The following IPPK variants were observed in gnomAD, a reference collection of about 807,000 sequenced individuals.
IPPK encodes the protein inositol-pentakisphosphate 2-kinase, also known as IPK1 homolog.
In IPPK, 22 loss-of-function variants were observed where a neutral mutation model predicts 64.6. The ratio of observed to expected loss-of-function variants is 0.34; its 90% CI spans 0.24 to 0.49. IPPK has a LOEUF of 0.49. Ranked by LOEUF, IPPK falls within the 20% of genes least tolerant of loss-of-function variation. The pLI is 0.99. For missense variants in IPPK, 532 were observed against 630.7 expected (o/e 0.84, Z 1.68); for synonymous variants, 262 against 247.2 (o/e 1.06, Z -0.56).
At chr9:92,642,162 C>A (rs1852059842) in intron 7 of IPPK, among the ~76,000 whole-genome samples, 2 of 152,248 alleles carry the variant, frequency 1.3e-5, no homozygotes, top group East Asian at 1.9e-4. Context: ...TGCGGACTGA[C>A]CCTCCCCAGC....
In IPPK at chr9:92,658,680, C is replaced by T. The variant is rs1447205316; in HGVS notation, c.83G>A (p.Arg28His). Residue 28 changes from arginine (R) to histidine (H), a missense_variant and splice_region_variant, in exon 2 of 13, where the codon CGC becomes CAC. Coordinates refer to ENST00000287996, the MANE Select transcript of IPPK (RefSeq NM_022755.6). ...CTTCAGAAACCGCAGCACGACGCAGCGCTGTTGGAAAATAAAACAAATCTG... is the reference window on the plus strand; with the variant it reads ...CTTCAGAAACCGCAGCACGACGCAGTGCTGTTGGAAAATAAAACAAATCTG... ...NKSLVVAHAQRCVVLRFLKFP... is the reference protein window; with the variant it reads ...NKSLVVAHAQHCVVLRFLKFP... 2.5e-6 allele frequency: 4 copies of T among 1,613,740 alleles called. No individual in the cohort carries two copies. The highest frequency in any genetic ancestry group is 1.7e-5 in the Admixed American group (1 of 59,994).
intron 7 of IPPK, 53 bp downstream of exon 7, chr9:92,642,699 A>G (rs1050204089): frequency 4.8e-6 from 7 of 1,471,208 alleles, no homozygotes; most frequent in Non-Finnish European, 6.6e-6. Flanking sequence ...CCCCCGCCCT[A>G]CCCATCTCCA....
intron 6 of IPPK, among the ~76,000 whole-genome samples, chr9:92,647,809 A>T (rs1474064298): frequency 6.6e-6 from 1 of 152,126 alleles, no homozygotes; most frequent in Non-Finnish European, 1.5e-5. Flanking sequence ...GGTGGACTGC[A>T]TGAGTCCAGG....
At chr9:92,638,395 T>C (rs1851985653) in intron 8 of IPPK, 115 bp from the exon 9 acceptor site, 1 of 1,213,702 alleles carries the variant, frequency 8.2e-7, no homozygotes, top group East Asian at 2.4e-5. Context: ...GCCCTGATGC[T>C]GTCCACCCAA....
In IPPK at chr9:92,614,023, G is replaced by A. The variant is rs1851353982; in HGVS notation, c.*1809C>T. 1 of 152,284 alleles carries A rather than the reference G, an allele frequency of 6.6e-6. No homozygotes were observed. The highest frequency in any genetic ancestry group is 2.4e-5 in the African/African-American group (1 of 41,434). The allele number at this position is 152,284 out of a possible 1,614,324, so 9.4% of individuals were successfully genotyped here. ...TCAGGGGCTCCTCACAGCCCGGGCT[G>A]GTGGGAGCCAAGACCAGACAGAGTG... On this transcript the variant is annotated 3_prime_UTR_variant, in exon 13 of 13. Coordinates refer to ENST00000287996, the MANE Select transcript of IPPK (RefSeq NM_022755.6).
intron 5 of IPPK, 45 bp from the exon 6 acceptor site, chr9:92,648,193 C>T: frequency 7.4e-7 from 1 of 1,351,936 alleles, no homozygotes; most frequent in Non-Finnish European, 1.0e-6. Flanking sequence ...AGGAAGAAAT[C>T]ACATACCTCT....
chr9:92,626,328 C>T (rs1261444461), intron 11 of IPPK, among the ~76,000 whole-genome samples: 1 of 152,088 alleles, frequency 6.6e-6, no homozygotes, highest in Non-Finnish European at 1.5e-5. Context: ...ACCCAGGAGG[C>T]GGAGCTTGCA....
intron 5 of IPPK, among the ~76,000 whole-genome samples, chr9:92,648,785 A>G (rs921576489): frequency 1.3e-5 from 2 of 152,194 alleles, no homozygotes; most frequent in African/African-American, 4.8e-5. Flanking sequence ...AGGCCAGGGC[A>G]TGTGAGGCAG....
intron 1 of IPPK, among the ~76,000 whole-genome samples, chr9:92,667,509 T>A (rs981365612): frequency 5.3e-5 from 8 of 152,224 alleles, no homozygotes; most frequent in Non-Finnish European, 1.5e-5. Context: ...TGACCTTAAC[T>A]TGATGGGAAA....
intron 3 of IPPK, among the ~76,000 whole-genome samples, 156 bp downstream of exon 3, chr9:92,656,300 C>T (rs1852371220): frequency 6.6e-6 from 1 of 152,234 alleles, no homozygotes; most frequent in Admixed American, 6.5e-5. Context: ...ACTGCAGTAT[C>T]CACTCTGCTG....
At chr9:92,667,952 G>T (rs1485434414) in intron 1 of IPPK, among the ~76,000 whole-genome samples, 1 of 151,220 alleles carries the variant, frequency 6.6e-6, no homozygotes, top group Non-Finnish European at 1.5e-5. Flanking sequence ...GTGGCTGTAG[G>T]TAAATTTGAA....
At chr9:92,618,891 C>A in intron 12 of IPPK, 1 of 328,292 alleles carries the variant, frequency 3.0e-6, no homozygotes. Context: ...CAGGGTTTAG[C>A]ACCCCTGAAG....
Position 92,616,020 on chromosome 9 carries a change from T to G in IPPK, c.1288A>C (p.Arg430=). 2 of 1,614,168 alleles carry G rather than the reference T, an allele frequency of 1.2e-6. No homozygotes were observed. The highest frequency in any genetic ancestry group is 1.1e-5 in the South Asian group (1 of 91,064). Reference sequence around the variant, plus strand: ...AGCACAGACACGGAAAAGGCAAACCTGGACCTCGATGAAGGGACGACAGGC... The same window carrying G: ...AGCACAGACACGGAAAAGGCAAACCGGGACCTCGATGAAGGGACGACAGGC... The part of the protein sequence containing the change: ...QRPVVPSSRS[R]FAFSVSVLDL... The change falls in exon 13 of 13, where the codon AGG becomes CGG. Residue 430 remains arginine (R), a synonymous_variant. Coordinates refer to ENST00000287996, the MANE Select transcript of IPPK (RefSeq NM_022755.6).
At position 92,654,498 on chromosome 9, in the gene IPPK, G is replaced by A. The variant is rs542627822; in HGVS notation, c.226-1859C>T. Among the ~76,000 whole-genome samples the A allele has an allele frequency of 4.6e-5, 7 of 152,292 alleles. No individual in the cohort carries two copies. The East Asian group carries it at 9.6e-4, about 21-fold the overall frequency. Reference sequence around the variant, plus strand: ...ATCGCACCACTGCACTCCAGCCTGGGTGACAGAGCAAGATAAAAAACAAAA... The same window carrying A: ...ATCGCACCACTGCACTCCAGCCTGGATGACAGAGCAAGATAAAAAACAAAA... On this transcript the variant is annotated intron_variant, in intron 3 of 12. Transcript: ENST00000287996.
At position 92,615,558 on chromosome 9, in the gene IPPK, G is replaced by T. The variant is rs1221058815; in HGVS notation, c.*274C>A. On this transcript the variant is annotated 3_prime_UTR_variant, in exon 13 of 13. Coordinates refer to ENST00000287996, the MANE Select transcript of IPPK (RefSeq NM_022755.6). ...GACATGAGCCCTGGTTGGGAAAGAAGAACTATCCAGAACGTCTTCCCAGGG... is the reference window on the plus strand; with the variant it reads ...GACATGAGCCCTGGTTGGGAAAGAATAACTATCCAGAACGTCTTCCCAGGG... The T allele has an allele frequency of 5.0e-6, 2 of 396,390 alleles. No individual in the cohort carries two copies. The highest frequency in any genetic ancestry group is 4.6e-6 in the Non-Finnish European group (1 of 216,282). The allele number at this position is 396,390 out of a possible 1,614,324, so 24.6% of individuals were successfully genotyped here. A position where few individuals can be genotyped will look rare whatever the true frequency, so the allele number is the denominator to read the frequency against.
In IPPK at chr9:92,635,196, G is replaced by A; in HGVS notation, c.1029C>T (p.Asn343=). The part of the protein sequence containing the change: ...LDIEGLYPLY[N]RVERYLEEFP... ...ACTCTTCCAGGTATCGCTCAACCCG[G>A]TTGTACAGAGGGTAGAGGCCTTCGA... Residue 343 remains asparagine (N), a synonymous_variant, in exon 10 of 13, where the codon AAC becomes AAT. Transcript: ENST00000287996. This position sits in a 1 kb window ranked among gnomAD's most constrained non-coding sequence, Gnocchi z 4.4. The A allele has an allele frequency of 6.2e-7, 1 of 1,614,010 alleles. No homozygotes were observed. The highest frequency in any genetic ancestry group is 1.3e-5 in the African/African-American group (1 of 75,036).
At chr9:92,624,006 G>T (rs1188612013) in intron 11 of IPPK, among the ~76,000 whole-genome samples, 2 of 152,202 alleles carry the variant, frequency 1.3e-5, no homozygotes, top group Admixed American at 6.5e-5. Context: ...GTTGTCACTG[G>T]GTTCTTGGGA....
chr9:92,670,039 T>C lies in IPPK; in HGVS notation c.-51A>G. ...CGGGCTAGGACTCGGGGACGCGAGC[T>C]GGGGGCCGCCCGCCTCGCTGGGAAC... On this transcript the variant is annotated 5_prime_UTR_variant, in exon 1 of 13. Transcript: ENST00000287996. 2 of 1,376,220 alleles carry C rather than the reference T, an allele frequency of 1.5e-6. No homozygotes were observed. Among genetic ancestry groups the C allele is most frequent in the Admixed American group, 1.9e-5 (1 of 51,596 alleles). 85.3% of individuals were successfully genotyped at this position (1,376,220 alleles called of 1,614,324 possible).
At chr9:92,641,475 GA>G (rs1291290534) in intron 7 of IPPK, among the ~76,000 whole-genome samples, 1 of 152,194 alleles carries the variant, frequency 6.6e-6, no homozygotes, top group East Asian at 1.9e-4. Flanking sequence ...CTTATGTTCT[GA>G]CACGTTAATA....
Sources: allele counts gnomAD v4.1 joint callset (sites outside exome capture counted in the v4.1 genomes callset), GRCh38; gene constraint gnomAD v4.1.1; non-coding constraint Gnocchi (gnomAD v3.1); transcripts MANE v1.5; gene names NCBI Gene and HGNC (gene_info 2026-07-23, HGNC 2026-07-21).